COL26A1: variants seen among roughly 807,000 people sequenced by gnomAD.
COL26A1 encodes collagen type XXVI alpha 1 chain, also known as collagen alpha-1(XXVI) chain.
In COL26A1, 41 loss-of-function variants were observed where a neutral mutation model predicts 59.3. That is an observed-to-expected ratio of 0.69 (90% CI 0.54 to 0.90). The LOEUF (loss-of-function observed/expected upper bound fraction) is 0.90, where lower values mean the gene tolerates loss of function less well. Among genes scored for constraint, COL26A1 ranks in the 40% least tolerant of loss-of-function variants. COL26A1 has a pLI of 0.00. For missense variants in COL26A1, 612 were observed against 602.3 expected, an observed-to-expected ratio of 1.02 and a Z score of -0.17; for synonymous variants, 266 against 256.0, an observed-to-expected ratio of 1.04 and a Z score of -0.37.
intron 1 of COL26A1, among the ~76,000 whole-genome samples, chr7:101,419,728 GTCTT>G (rs1263272555): frequency 2.0e-5 from 3 of 152,206 alleles, no homozygotes; most frequent in Middle Eastern, 3.2e-3. Flanking sequence ...GCAGGGCTGA[GTCTT>G]TCTCACCAAT....
intron 4 of COL26A1, 23 bp from the exon 5 acceptor site, chr7:101,539,870 A>G (rs1554344465): frequency 6.3e-7 from 1 of 1,598,708 alleles, no homozygotes. Flanking sequence ...CTGGGACCTG[A>G]CTCTCTATCT....
chr7:101,438,622 C>T (rs984558497), intron 2 of COL26A1, among the ~76,000 whole-genome samples: 6 of 151,384 alleles, frequency 4.0e-5, no homozygotes, highest in East Asian at 1.9e-4. Context: ...GTGAGTGGGC[C>T]GAGTACGCAG....
chr7:101,378,987 C>T (rs1285348993), intron 1 of COL26A1, among the ~76,000 whole-genome samples: 1 of 152,156 alleles, frequency 6.6e-6, no homozygotes, highest in African/African-American at 2.4e-5. Context: ...TGGGCTTCCC[C>T]AGCCCCCGTA....
rs530948608 is a variant in COL26A1 at position 101,428,926 on chromosome 7, C to CT, written c.281+8841dup. On this transcript the variant is annotated intron_variant, in intron 2 of 12. Coordinates refer to ENST00000313669, the MANE Select transcript of COL26A1 (RefSeq NM_001278563.3). ...TTATCAATTTTCTTTTTCTTTCTTTCTTTTTTTTTTTTTTCTTGAGACGGA... is the reference window on the plus strand; with the variant it reads ...TTATCAATTTTCTTTTTCTTTCTTTCTTTTTTTTTTTTTTTCTTGAGACGGA... Among the ~76,000 whole-genome samples, 459 of 142,686 alleles carry CT rather than the reference C, an allele frequency of 3.2e-3. 1 individual carries two copies. Among genetic ancestry groups the CT allele is most frequent in the East Asian group, 0.017 (87 of 4,986 alleles). The allele number at this position is 142,686 out of a possible 152,430, so 93.6% of individuals were successfully genotyped here.
intron 3 of COL26A1, among the ~76,000 whole-genome samples, chr7:101,473,668 A>G (rs1584439704): frequency 6.9e-6 from 1 of 145,266 alleles, no homozygotes; most frequent in East Asian, 1.9e-4. Flanking sequence ...ACACACAACA[A>G]AAAACAAAAA....
intron 2 of COL26A1, 141 bp from the exon 3 acceptor site, chr7:101,447,543 G>A (rs554661026): frequency 5.2e-5 from 31 of 601,470 alleles, no homozygotes; most frequent in Admixed American, 1.7e-4. Context: ...CAGTGAACAC[G>A]GACCCCGGCA....
chr7:101,433,414 C>T (rs1792827980), intron 2 of COL26A1, among the ~76,000 whole-genome samples: 1 of 152,100 alleles, frequency 6.6e-6, no homozygotes, highest in Non-Finnish European at 1.5e-5. Context: ...GAGTCCTGTG[C>T]ATCCCAGCCT....
chr7:101,371,804 A>T (rs1462846169), intron 1 of COL26A1, among the ~76,000 whole-genome samples: 2 of 152,044 alleles, frequency 1.3e-5, no homozygotes, highest in Non-Finnish European at 2.9e-5. Context: ...GGGCAGTGAG[A>T]TGTTTCAGAC....
intron 3 of COL26A1, among the ~76,000 whole-genome samples, chr7:101,467,453 C>T (rs932783438): frequency 1.3e-5 from 2 of 151,370 alleles, no homozygotes; most frequent in African/African-American, 4.8e-5. Flanking sequence ...CCAGGTGTGA[C>T]GTTTGCATAG....
chr7:101,520,662 A>ACACACACACACACACACACACACCCCC (rs915256077), intron 3 of COL26A1, among the ~76,000 whole-genome samples: 1 of 143,240 alleles, frequency 7.0e-6, no homozygotes, highest in African/African-American at 2.6e-5. Flanking sequence ...ACACACACAC[A>ACACACACACACACACACACACACCCCC]CCCCCGTGTT....
rs567286423 is a variant in COL26A1, at chr7:101,379,038, T to C, written c.158+15848T>C. On this transcript the variant is annotated intron_variant, in intron 1 of 12. Transcript: ENST00000313669. ...AGAGAAGGTAGCAGTTTCCTTCTGA[T>C]TTGGCTCCGGCTGTCTGCGCCCCAG... 1.4e-4 allele frequency among the ~76,000 whole-genome samples: 22 copies of C among 152,224 alleles called. 1 individual carries two copies. In the South Asian group the frequency reaches 4.6e-3, roughly 32 times the overall value.
At chr7:101,499,168 C>T (rs924523724) in intron 3 of COL26A1, among the ~76,000 whole-genome samples, 2 of 152,126 alleles carry the variant, frequency 1.3e-5, no homozygotes, top group Non-Finnish European at 2.9e-5. Context: ...ACTGGCTGAC[C>T]TGGGGACTGT....
At chr7:101,395,624 CTGGTTGCCA>C (rs1461286228) in intron 1 of COL26A1, among the ~76,000 whole-genome samples, 2 of 152,172 alleles carry the variant, frequency 1.3e-5, no homozygotes, top group Admixed American at 1.3e-4. Context: ...ATCTTTCCCT[CTGGTTGCCA>C]GGGGAGAGTT....
chr7:101,408,022 GCTGCTGCTGTGCA>G (rs1792167995), intron 1 of COL26A1, among the ~76,000 whole-genome samples: 1 of 152,184 alleles, frequency 6.6e-6, no homozygotes, highest in Non-Finnish European at 1.5e-5. Context: ...CAGAACGTCT[GCTGCTGCTGTGCA>G]CTGCTGCTTT....
At chr7:101,428,317 C>G (rs1288415820) in intron 2 of COL26A1, among the ~76,000 whole-genome samples, 1 of 146,472 alleles carries the variant, frequency 6.8e-6, no homozygotes, top group Admixed American at 6.9e-5. Context: ...ATGATTGCGC[C>G]ACTGCACTCC....
At position 101,549,200 on chromosome 7, in the gene COL26A1, C is replaced by T. The variant is rs527407477; in HGVS notation, c.970C>T (p.Pro324Ser). The part of the protein sequence containing the change: ...GPPGPRGPPG[P>S]PGTPGSQGLA... ...CCCTGGGCCTCGAGGTCCCCCAGGA[C>T]CCCCAGGAACACCTGGATCCCAGGT... Residue 324 changes from proline to serine, a missense_variant, in exon 9 of 13, where the codon CCC becomes TCC. Physicochemically the swap from Pro to Ser is moderately conservative, Grantham distance 74 (BLOSUM62 -1). Coordinates refer to ENST00000313669, the MANE Select transcript of COL26A1 (RefSeq NM_001278563.3). 257 of 1,604,846 alleles carry T rather than the reference C, an allele frequency of 1.6e-4. 2 individuals are homozygous for T. The South Asian group carries it at 2.7e-3, about 17-fold the overall frequency.
chr7:101,387,340 C>T (rs1432256651), intron 1 of COL26A1, among the ~76,000 whole-genome samples: 1 of 149,234 alleles, frequency 6.7e-6, no homozygotes, highest in East Asian at 2.0e-4. Context: ...CTGTGGTCAG[C>T]ACAGATGTTT....
rs1392432273 is a variant in COL26A1, at chr7:101,489,820, T to TG, written c.385+42033_385+42034insG. On this transcript the variant is annotated intron_variant, in intron 3 of 12. Transcript: ENST00000313669. ...TTTCTTTCTTTCTTTCTTTCTTTCTTTCTTTCTTTCTTTCTTTCTTTCTTT... is the reference window on the plus strand; with the variant it reads ...TTTCTTTCTTTCTTTCTTTCTTTCTTGTCTTTCTTTCTTTCTTTCTTTCTTT... 4.5e-3 allele frequency among the ~76,000 whole-genome samples: 30 copies of TG among 6,654 alleles called. 5 individuals carry two copies. Among genetic ancestry groups the TG allele is most frequent in the Middle Eastern group, 0.05 (1 of 20 alleles). 4.4% of individuals were successfully genotyped at this position (6,654 alleles called of 152,430 possible). A position where few individuals can be genotyped will look rare whatever the true frequency, so the allele number is the denominator to read the frequency against.
At chr7:101,483,615 C>T (rs1794200969) in intron 3 of COL26A1, among the ~76,000 whole-genome samples, 1 of 152,090 alleles carries the variant, frequency 6.6e-6, no homozygotes, top group South Asian at 2.1e-4. Context: ...TCAAGCCATC[C>T]TCCTGCCTCA....
Sources: allele counts gnomAD v4.1 joint callset (sites outside exome capture counted in the v4.1 genomes callset), GRCh38; gene constraint gnomAD v4.1.1; transcripts MANE v1.5; gene names NCBI Gene and HGNC (gene_info 2026-07-23, HGNC 2026-07-21).